The following NWD1 variants were observed in gnomAD, a reference collection of about 807,000 sequenced individuals.
NWD1 encodes the protein NACHT domain- and WD repeat-containing protein 1.
In NWD1, 129 loss-of-function variants were observed where a neutral mutation model predicts 135.1. That is an observed-to-expected ratio of 0.96 (90% CI 0.83 to 1.11). The LOEUF (loss-of-function observed/expected upper bound fraction) is 1.11, where lower values mean the gene tolerates loss of function less well. Ranked by LOEUF, NWD1 falls within the 50% of genes least tolerant of loss-of-function variation. The pLI, the probability that NWD1 is intolerant of heterozygous loss-of-function variation, is 0.00. For synonymous variants in NWD1, 773 were observed against 786.0 expected (o/e 0.98, Z 0.28); for missense variants, 1,740 against 1,851.3 (o/e 0.94, Z 1.10).
At chr19:16,766,508 T>A (rs952175242) in intron 10 of NWD1, among the ~76,000 whole-genome samples, 1 of 152,170 alleles carries the variant, frequency 6.6e-6, no homozygotes, top group Non-Finnish European at 1.5e-5. Flanking sequence ...GCTTGAAGAA[T>A]CTCTCCAAGT....
intron 12 of NWD1, among the ~76,000 whole-genome samples, chr19:16,786,109 C>T (rs1349068913): frequency 6.6e-6 from 1 of 152,122 alleles, no homozygotes; most frequent in African/African-American, 2.4e-5. Context: ...AACTGATTCA[C>T]CCACCTTGGC....
At chr19:16,760,229 C>CATTTTATTTTATTTT (rs59527287) in intron 7 of NWD1, among the ~76,000 whole-genome samples, 12,591 of 143,796 alleles carry the variant, frequency 0.088, 668 homozygotes, top group African/African-American at 0.11. Flanking sequence ...TAAAATTCAC[C>CATTTTATTTTATTTT]ATTTTATTTT....
In NWD1 at chr19:16,759,214, C is replaced by T; in HGVS notation, c.1770-11C>T. ...AGATGTGCCTCAAAGCCCCACTGGT[C>T]CTCCCTTCAGACACGGTCTCTCGGA... On this transcript the variant is annotated splice_polypyrimidine_tract_variant and intron_variant, in intron 6 of 18. Transcript: ENST00000524140. 1 of 1,610,554 alleles carries T rather than the reference C, an allele frequency of 6.2e-7. No individual in the cohort carries two copies. The highest frequency in any genetic ancestry group is 8.5e-7 in the Non-Finnish European group (1 of 1,176,958).
At chr19:16,761,633 G>C (rs1361888996) in intron 7 of NWD1, among the ~76,000 whole-genome samples, 1 of 152,068 alleles carries the variant, frequency 6.6e-6, no homozygotes, top group Admixed American at 6.6e-5. Context: ...AAAGTGCTGG[G>C]ATCACAGGCA....
chr19:16,785,745 A>T (rs1048900253), intron 12 of NWD1, among the ~76,000 whole-genome samples: 2 of 148,548 alleles, frequency 1.3e-5, no homozygotes, highest in Non-Finnish European at 1.5e-5. Flanking sequence ...TACATACATG[A>T]AAGTATATAT....
rs374876983 is a variant in NWD1, at chr19:16,811,586, G to GAA, written c.4288-3429_4288-3428dup. On this transcript the variant is annotated intron_variant, in intron 18 of 18. Transcript: ENST00000524140. ...GCAACAAGAGCGAGACTCTGTCTCA[G>GAA]AAAAAAAAAAAAAAGAAAGAAAGAA... is the stretch of plus-strand genomic sequence containing the variant. 1.1e-4 allele frequency among the ~76,000 whole-genome samples: 7 copies of GAA among 62,014 alleles called. No homozygotes were observed. The South Asian group carries it at 1.3e-3, about 12-fold the overall frequency. The allele number at this position is 62,014 out of a possible 152,430, so 40.7% of individuals were successfully genotyped here.
intron 2 of NWD1, among the ~76,000 whole-genome samples, chr19:16,728,552 T>G (rs1314986253): frequency 1.3e-5 from 2 of 151,908 alleles, no homozygotes; most frequent in Non-Finnish European, 2.9e-5. Context: ...CCCAAAGTGC[T>G]GGGATTACAG....
At chr19:16,812,855 G>A (rs748949210) in intron 18 of NWD1, 8 of 780,842 alleles carry the variant, frequency 1.0e-5, no homozygotes, top group Admixed American at 3.4e-5. Context: ...TGGATGGTGA[G>A]TCATTTTGCT....
intron 1 of NWD1, among the ~76,000 whole-genome samples, chr19:16,723,230 G>A (rs530386101): frequency 4.8e-4 from 73 of 152,040 alleles, no homozygotes; most frequent in African/African-American, 1.6e-3. Flanking sequence ...ATAGGGTCTC[G>A]CTCTGTTGTC....
At chr19:16,790,723 A>C (rs1015889635) in intron 13 of NWD1, among the ~76,000 whole-genome samples, 1 of 152,132 alleles carries the variant, frequency 6.6e-6, no homozygotes, top group Non-Finnish European at 1.5e-5. Flanking sequence ...AAGACCTAGT[A>C]TAGTAAAAAT....
intron 11 of NWD1, 48 bp downstream of exon 11, chr19:16,773,371 T>C: frequency 3.3e-6 from 5 of 1,536,606 alleles, no homozygotes; most frequent in Non-Finnish European, 4.4e-6. Flanking sequence ...CCTGCTTGCC[T>C]GGGGGCAGTG....
At chr19:16,799,546 G>A (rs1970529418) in intron 16 of NWD1, among the ~76,000 whole-genome samples, 1 of 151,076 alleles carries the variant, frequency 6.6e-6, no homozygotes, top group Admixed American at 6.6e-5. Flanking sequence ...CATTCTTGTT[G>A]CCCAGGCTTG....
At position 16,815,648 on chromosome 19, in the gene NWD1, G is replaced by T; in HGVS notation, c.*609G>T. ...TGGTCCCAATTGGCCCATACGCCTA[G>T]CCCTAAACCAATTATTATATCTGGG... is the stretch of plus-strand genomic sequence containing the variant. On this transcript the variant is annotated 3_prime_UTR_variant, in exon 19 of 19. Coordinates refer to ENST00000524140, the MANE Select transcript of NWD1 (RefSeq NM_001007525.5). The T allele has an allele frequency of 3.7e-6, 1 of 268,828 alleles. No homozygotes were observed. The allele number at this position is 268,828 out of a possible 1,614,324, so 16.7% of individuals were successfully genotyped here.
At chr19:16,736,095 C>T (rs961874671) in intron 3 of NWD1, among the ~76,000 whole-genome samples, 2 of 152,020 alleles carry the variant, frequency 1.3e-5, no homozygotes, top group Non-Finnish European at 2.9e-5. Context: ...CATTGCATTT[C>T]GTTGTCTTAT....
rs543382853 is a variant in NWD1 at position 16,734,549 on chromosome 19, G to T, written c.82-2085G>T. Among the ~76,000 whole-genome samples the T allele has an allele frequency of 3.0e-3, 428 of 140,584 alleles. 5 individuals are homozygous for T. The highest frequency in any genetic ancestry group is 0.011 in the African/African-American group (412 of 37,740). The allele number at this position is 140,584 out of a possible 152,430, so 92.2% of individuals were successfully genotyped here. A position where few individuals can be genotyped will look rare whatever the true frequency, so the allele number is the denominator to read the frequency against. ...GACTCCATCTCAAAAAAAAAAAAAA[G>T]ATTTTCTTTCTTTTTTTTTTTCTTT... On this transcript the variant is annotated intron_variant, in intron 3 of 18. Coordinates refer to ENST00000524140, the MANE Select transcript of NWD1 (RefSeq NM_001007525.5).
intron 4 of NWD1, among the ~76,000 whole-genome samples, chr19:16,742,046 G>T (rs146279608): frequency 0.05 from 7,533 of 151,374 alleles, 215 homozygotes; most frequent in Middle Eastern, 0.094. Context: ...ACCACTGCAC[G>T]CCAGCCTGGG....
chr19:16,730,547 C>T (rs1261228379), intron 2 of NWD1, among the ~76,000 whole-genome samples: 1 of 151,676 alleles, frequency 6.6e-6, no homozygotes, highest in African/African-American at 2.4e-5. Flanking sequence ...GACTCCTTCT[C>T]TACAAAAAAT....
chr19:16,723,451 A>G (rs1026576761), intron 1 of NWD1, among the ~76,000 whole-genome samples: 12 of 151,798 alleles, frequency 7.9e-5, no homozygotes, highest in African/African-American at 2.9e-4. Context: ...CTGGGATTAC[A>G]GGCGTGAGCC....
chr19:16,760,558 C>T (rs1381564445), intron 7 of NWD1, among the ~76,000 whole-genome samples: 1 of 151,168 alleles, frequency 6.6e-6, no homozygotes, highest in Admixed American at 6.6e-5. Flanking sequence ...CCATGCCTGG[C>T]CAATTCACCA....
Sources: gnomAD v4.1 joint callset for allele counts (sites outside exome capture counted in the v4.1 genomes callset) on GRCh38, gnomAD v4.1.1 for gene constraint, MANE v1.5 for transcripts, NCBI Gene and HGNC (gene_info 2026-07-23, HGNC 2026-07-21) for gene names.